Variants in PACS1 observed in about 807,000 individuals in gnomAD.
PACS1 encodes the protein PACS-1.
A neutral mutation model predicts 115.0 loss-of-function variants in PACS1; 24 were observed. That is an observed-to-expected ratio of 0.21 (90% CI 0.15 to 0.29). The LOEUF (loss-of-function observed/expected upper bound fraction) is 0.29, where lower values mean the gene tolerates loss of function less well. Among genes scored for constraint, PACS1 ranks in the 10% least tolerant of loss-of-function variants. The pLI is 1.00. For missense variants in PACS1, 838 were observed against 1,251.2 expected, an observed-to-expected ratio of 0.67 and a Z score of 4.98; for synonymous variants, 453 against 504.5, an observed-to-expected ratio of 0.90 and a Z score of 1.37.
At chr11:66,234,454 G>A (rs915579211) in intron 17 of PACS1, among the ~76,000 whole-genome samples, 22 of 152,230 alleles carry the variant, frequency 1.4e-4, no homozygotes, top group Admixed American at 1.2e-3. Flanking sequence ...TCTGCTATTT[G>A]CTCTGCTCCT....
At chr11:66,144,293 G>A (rs1859068201) in intron 1 of PACS1, among the ~76,000 whole-genome samples, 1 of 152,158 alleles carries the variant, frequency 6.6e-6, no homozygotes, top group Non-Finnish European at 1.5e-5. Flanking sequence ...AGTAGGGTAA[G>A]GTACAGCACT....
rs1033211086 is a variant in PACS1, at chr11:66,078,081, A to G, written c.356+7239A>G. On this transcript the variant is annotated intron_variant, in intron 1 of 23. Coordinates refer to ENST00000320580, the MANE Select transcript of PACS1 (RefSeq NM_018026.4). ...GCTTCAACAATTTTTCTGAATCTCA[A>G]ATATCGTTCTTCCTCTTTTCTCCTT... Among the ~76,000 whole-genome samples, 6 of 152,124 alleles carry G rather than the reference A, an allele frequency of 3.9e-5. No individual in the cohort carries two copies. In the South Asian group the frequency reaches 8.3e-4, roughly 21 times the overall value.
chr11:66,172,900 C>T (rs563120034), intron 1 of PACS1, among the ~76,000 whole-genome samples: 12 of 148,660 alleles, frequency 8.1e-5, no homozygotes, highest in African/African-American at 2.7e-4. Context: ...CGCTTGAACC[C>T]GGGAGGCGGA....
At position 66,220,744 on chromosome 11, in the gene PACS1, G is replaced by C; in HGVS notation, c.1152G>C (p.Glu384Asp). Residue 384 changes from glutamate to aspartate, a missense_variant, in exon 9 of 24, where the codon GAG becomes GAC. By Grantham distance (45) the Glu-to-Asp change is conservative (BLOSUM62 2). This residue lies in a region of PACS1 where 223 missense variants were observed against 354.0 expected (regional missense o/e 0.63). Transcript: ENST00000320580. ...EMYNPSDSGP[E>D]MEETESILST... ...ACAACCCCAGCGACAGTGGCCCTGA[G>C]ATGGAGGAGACAGAAAGCATCCTCA... 1.2e-6 allele frequency: 2 copies of C among 1,614,140 alleles called. No homozygotes were observed. The highest frequency in any genetic ancestry group is 1.7e-6 in the Non-Finnish European group (2 of 1,180,018).
chr11:66,096,001 C>G (rs1316837866), intron 1 of PACS1, among the ~76,000 whole-genome samples: 1 of 151,400 alleles, frequency 6.6e-6, no homozygotes, highest in Non-Finnish European at 1.5e-5. Context: ...ATGGCGTGAT[C>G]TGAGTTCACT....
At chr11:66,077,407 C>CA (rs1467361754) in intron 1 of PACS1, among the ~76,000 whole-genome samples, 3 of 152,040 alleles carry the variant, frequency 2.0e-5, no homozygotes, top group Non-Finnish European at 4.4e-5. Flanking sequence ...AAAAAATAAA[C>CA]AAAATTAGCC....
intron 1 of PACS1, among the ~76,000 whole-genome samples, chr11:66,184,125 A>G (rs1030863378): frequency 2.0e-5 from 3 of 151,860 alleles, no homozygotes; most frequent in African/African-American, 7.3e-5. Flanking sequence ...GCAAAATTTG[A>G]CCACTTTGCT....
intron 11 of PACS1, among the ~76,000 whole-genome samples, chr11:66,229,014 G>C (rs1199228349): frequency 2.6e-5 from 4 of 151,836 alleles, no homozygotes; most frequent in Non-Finnish European, 5.9e-5. Context: ...CCAGGGAGGA[G>C]GCACGGGAGG....
rs1293924207 is a variant in PACS1 at position 66,156,283 on chromosome 11, C to T, written c.357-37203C>T. On this transcript the variant is annotated intron_variant, in intron 1 of 23. Transcript: ENST00000320580. Reference sequence around the variant, plus strand: ...TTTTTTTTTTTAAGACAGAGTCTTGCTCTGTCCCCCAGGCTGGAGTGCAGT... The same window carrying T: ...TTTTTTTTTTTAAGACAGAGTCTTGTTCTGTCCCCCAGGCTGGAGTGCAGT... Among the ~76,000 whole-genome samples the T allele has an allele frequency of 2.2e-5, 3 of 134,512 alleles. No individual in the cohort carries two copies. The Admixed American group carries it at 2.3e-4, about 11-fold the overall frequency. The allele number at this position is 134,512 out of a possible 152,430, so 88.2% of individuals were successfully genotyped here.
rs1429109698 is a variant in PACS1, at chr11:66,070,801, C to G, written c.315C>G (p.Ala105=). ...TPAPVQMNLY[A]TWEVDRSSSS... ...CCCCGGTGCAGATGAACCTGTACGC[C>G]ACCTGGGAGGTGGACCGGAGCTCGT... Residue 105 remains alanine, a synonymous_variant, in exon 1 of 24, where the codon GCC becomes GCG. Transcript: ENST00000320580. This position sits in a 1 kb window ranked among gnomAD's most constrained non-coding sequence, Gnocchi z 5.9. The G allele has an allele frequency of 6.6e-7, 1 of 1,507,366 alleles. No homozygotes were observed. Among genetic ancestry groups the G allele is most frequent in the East Asian group, 2.8e-5 (1 of 35,780 alleles). The allele number at this position is 1,507,366 out of a possible 1,614,324, so 93.4% of individuals were successfully genotyped here. A position where few individuals can be genotyped will look rare whatever the true frequency, so the allele number is the denominator to read the frequency against.
chr11:66,070,718 G>T lies in PACS1; in HGVS notation c.232G>T (p.Val78Leu). 3 of 1,572,940 alleles carry T rather than the reference G, an allele frequency of 1.9e-6. No homozygotes were observed. The highest frequency in any genetic ancestry group is 1.7e-6 in the Non-Finnish European group (2 of 1,167,310). ...CTCGTCTACCTCCACCTCCATGGCC[G>T]TGGCGGTGGCCTCGGGCTCCGCGCC... The part of the protein sequence containing the change: ...SSSSTSTSMA[V>L]AVASGSAPPG... Residue 78 changes from valine (V) to leucine (L), a missense_variant, in exon 1 of 24, where the codon GTG (valine) becomes TTG (leucine). Physicochemically the swap from Val to Leu is conservative, Grantham distance 32. Coordinates refer to ENST00000320580, the MANE Select transcript of PACS1 (RefSeq NM_018026.4). This position sits in a 1 kb window ranked among gnomAD's most constrained non-coding sequence, Gnocchi z 5.9.
chr11:66,134,254 C>CTTTTTTTTTTTTTTTTT lies in PACS1; in HGVS notation c.357-59223_357-59207dup, dbSNP rs1162472902. ...TAAATTTCTTTTTCTTTTTCTTTTT[C>CTTTTTTTTTTTTTTTTT]TTTTTTTTTTTTTTTTTTTTTTTTT... is the stretch of plus-strand genomic sequence containing the variant. On this transcript the variant is annotated intron_variant, in intron 1 of 23. Transcript: ENST00000320580. 6.4e-4 allele frequency among the ~76,000 whole-genome samples: 48 copies of CTTTTTTTTTTTTTTTTT among 75,060 alleles called. 1 individual carries two copies. The highest frequency in any genetic ancestry group is 1.7e-3 in the South Asian group (3 of 1,716). The allele number at this position is 75,060 out of a possible 152,430, so 49.2% of individuals were successfully genotyped here.
intron 1 of PACS1, among the ~76,000 whole-genome samples, chr11:66,092,497 C>G (rs1313843759): frequency 1.3e-5 from 2 of 152,022 alleles, no homozygotes; most frequent in South Asian, 2.1e-4. Flanking sequence ...ATGGTAGTTT[C>G]TTTTGCTGTG....
chr11:66,200,404 A>T (rs1180564926), intron 2 of PACS1, among the ~76,000 whole-genome samples: 1 of 152,080 alleles, frequency 6.6e-6, no homozygotes, highest in Non-Finnish European at 1.5e-5. Flanking sequence ...CGAGAATCAC[A>T]CTTGACCTGT....
At chr11:66,072,690 A>G (rs1857329594) in intron 1 of PACS1, among the ~76,000 whole-genome samples, 1 of 152,224 alleles carries the variant, frequency 6.6e-6, no homozygotes, top group Admixed American at 6.5e-5. Context: ...AGGCCCATCT[A>G]TCGCTGAAGT....
At chr11:66,087,484 C>A (rs1857593250) in intron 1 of PACS1, among the ~76,000 whole-genome samples, 1 of 152,196 alleles carries the variant, frequency 6.6e-6, no homozygotes, top group Non-Finnish European at 1.5e-5. Context: ...CTTAGGTGAT[C>A]CACCTGCCTT....
intron 7 of PACS1, chr11:66,217,542 G>A (rs764723680): frequency 1.1e-5 from 5 of 456,026 alleles, no homozygotes; most frequent in East Asian, 6.9e-5. Flanking sequence ...CCTGAGAGCC[G>A]AGATGCCCAC....
At chr11:66,205,640 A>G (rs1252068588) in intron 2 of PACS1, among the ~76,000 whole-genome samples, 1 of 151,326 alleles carries the variant, frequency 6.6e-6, no homozygotes, top group Non-Finnish European at 1.5e-5. Context: ...TTCCTCAAAT[A>G]TCACTACAAT....
intron 1 of PACS1, among the ~76,000 whole-genome samples, chr11:66,088,537 T>G (rs1012685102): frequency 2.0e-5 from 3 of 152,254 alleles, no homozygotes; most frequent in Admixed American, 2.0e-4. Context: ...CATTATCACC[T>G]TGATCATAAG....
Sources: allele counts gnomAD v4.1 joint callset (sites outside exome capture counted in the v4.1 genomes callset), GRCh38; gene constraint gnomAD v4.1.1; regional missense constraint gnomAD v4.1.1; non-coding constraint Gnocchi (gnomAD v3.1); transcripts MANE v1.5; gene names NCBI Gene and HGNC (gene_info 2026-07-23, HGNC 2026-07-21).